Variants in SV2C observed in about 807,000 individuals in gnomAD.
SV2C encodes the protein solute carrier family 22 member B3.
SV2C carries 49 observed loss-of-function variants against 79.7 expected under a neutral mutation model. That is an observed-to-expected ratio of 0.61 (90% CI 0.49 to 0.78). The LOEUF (loss-of-function observed/expected upper bound fraction) is 0.78. Ranked by LOEUF, SV2C falls within the 30% of genes least tolerant of loss-of-function variation. The pLI, the probability that SV2C is intolerant of heterozygous loss-of-function variation, is 0.00. For synonymous variants in SV2C, 334 were observed against 333.2 expected (o/e 1.00, Z -0.03); for missense variants, 833 against 912.9 (o/e 0.91, Z 1.13).
At chr5:75,853,442 G>A in the SV2C span, among the ~76,000 whole-genome samples, 1 of 151,010 alleles carries the variant, frequency 6.6e-6, no homozygotes, top group African/African-American at 2.4e-5. Flanking sequence ...TGTAGTCCCA[G>A]CTACTCCGGA....
At position 76,285,800 on chromosome 5, in the gene SV2C, C is replaced by T; in HGVS notation, c.1067C>T (p.Ala356Val). The change falls in exon 6 of 13, where the codon GCT becomes GTT. Residue 356 changes from alanine (A) to valine (V), a missense_variant. Physicochemically the swap from Ala to Val is moderately conservative, Grantham distance 64. Transcript: ENST00000502798. The stretch of plus-strand genomic sequence containing the variant: ...TCTTAGGTTGGAAAACATGATGAAG[C>T]TTGGATGATTCTGAAGTTAATTCAT... ...FLLEVGKHDEAWMILKLIHDT... is the reference protein window; with the variant it reads ...FLLEVGKHDEVWMILKLIHDT... The T allele has an allele frequency of 6.2e-7, 1 of 1,614,006 alleles. No homozygotes were observed. The highest frequency in any genetic ancestry group is 8.5e-7 in the Non-Finnish European group (1 of 1,179,978).
the SV2C span, among the ~76,000 whole-genome samples, chr5:75,973,982 G>A: frequency 6.6e-6 from 1 of 151,924 alleles, no homozygotes; most frequent in African/African-American, 2.4e-5. Flanking sequence ...TAAAGGGATT[G>A]AGAACCATGG....
intron 1 of SV2C, among the ~76,000 whole-genome samples, chr5:76,117,930 A>T (rs1016693663): frequency 3.3e-5 from 5 of 152,232 alleles, no homozygotes; most frequent in African/African-American, 1.2e-4. Flanking sequence ...CACTGTGCAT[A>T]AGGCCATCTG....
At chr5:75,999,134 A>G in the SV2C span, among the ~76,000 whole-genome samples, 1 of 151,956 alleles carries the variant, frequency 6.6e-6, no homozygotes, top group Admixed American at 6.6e-5. Flanking sequence ...ATTCACTATC[A>G]CGAGAACAGC....
rs1262599230 is a variant in SV2C at position 76,333,495 on chromosome 5, T to C, written c.*7948T>C. 1.3e-5 allele frequency: 2 copies of C among 152,268 alleles called. No individual in the cohort carries two copies. The highest frequency in any genetic ancestry group is 6.5e-5 in the Admixed American group (1 of 15,282). The allele number at this position is 152,268 out of a possible 1,614,324, so 9.4% of individuals were successfully genotyped here. ...ATCTTGGCAATGGTCCTGTCGGTTTTGGTGTTTGGATTGTTTGGCTTTGTT... is the reference window on the plus strand; with the variant it reads ...ATCTTGGCAATGGTCCTGTCGGTTTCGGTGTTTGGATTGTTTGGCTTTGTT... On this transcript the variant is annotated 3_prime_UTR_variant, in exon 13 of 13. Coordinates refer to ENST00000502798, the MANE Select transcript of SV2C (RefSeq NM_014979.4).
chr5:75,958,207 T>G, the SV2C span, among the ~76,000 whole-genome samples: 1 of 151,978 alleles, frequency 6.6e-6, no homozygotes, highest in African/African-American at 2.4e-5. Flanking sequence ...AGAAACTAAG[T>G]GCATGACCAT....
At chr5:76,125,143 A>G (rs530151573) in intron 1 of SV2C, among the ~76,000 whole-genome samples, 42 of 152,218 alleles carry the variant, frequency 2.8e-4, no homozygotes, top group Non-Finnish European at 4.3e-4. Flanking sequence ...ACGTTAATAT[A>G]CTTAAAATTA....
At position 76,291,856 on chromosome 5, in the gene SV2C, GGTAA is replaced by G; in HGVS notation, c.1337+3_1337+6del. On this transcript the variant is annotated splice_donor_variant and splice_donor_region_variant and intron_variant, in intron 8 of 12. Coordinates refer to ENST00000502798, the MANE Select transcript of SV2C (RefSeq NM_014979.4). LOFTEE classifies it high-confidence loss of function. The stretch of plus-strand genomic sequence containing the variant: ...ATTGTTTGGTTCACCCTGTCCTTTG[GGTAA>G]GTGATATTTAAATTCTTGGCAAGCA... The G allele has an allele frequency of 1.9e-6, 3 of 1,601,848 alleles. No individual in the cohort carries two copies. Among genetic ancestry groups the G allele is most frequent in the Non-Finnish European group, 2.6e-6 (3 of 1,171,850 alleles).
chr5:76,190,474 A>G (rs928196976), intron 2 of SV2C, among the ~76,000 whole-genome samples: 4 of 152,234 alleles, frequency 2.6e-5, no homozygotes, highest in Admixed American at 2.0e-4. Flanking sequence ...CTTGCTGAAG[A>G]CAGAGCAGGG....
intron 2 of SV2C, among the ~76,000 whole-genome samples, chr5:76,190,528 A>G (rs1348002104): frequency 6.6e-6 from 1 of 152,188 alleles, no homozygotes; most frequent in Non-Finnish European, 1.5e-5. Context: ...ATTGAAGACA[A>G]CCAGCCATCT....
the SV2C span, among the ~76,000 whole-genome samples, chr5:76,063,182 C>T: frequency 6.6e-6 from 1 of 152,154 alleles, no homozygotes; most frequent in African/African-American, 2.4e-5. Context: ...CCTCCTGGGG[C>T]TGATGAATTG....
At chr5:76,175,823 C>G (rs1561250339) in intron 2 of SV2C, among the ~76,000 whole-genome samples, 1 of 151,992 alleles carries the variant, frequency 6.6e-6, no homozygotes, top group Non-Finnish European at 1.5e-5. Context: ...CGTGTGTGTC[C>G]CCGAGAGGTG....
chr5:75,880,901 G>T, the SV2C span, among the ~76,000 whole-genome samples: 2 of 152,164 alleles, frequency 1.3e-5, no homozygotes, highest in East Asian at 3.8e-4. Flanking sequence ...GTTGGCTCAT[G>T]GTTCTGCAAG....
the SV2C span, among the ~76,000 whole-genome samples, chr5:75,971,584 A>T: frequency 2.0e-5 from 3 of 152,126 alleles, no homozygotes; most frequent in Non-Finnish European, 4.4e-5. Flanking sequence ...AATTGCTTCA[A>T]AGAGAATAAC....
At position 76,230,798 on chromosome 5, in the gene SV2C, AAAAAG is replaced by A. The variant is rs538055871; in HGVS notation, c.913+20925_913+20929del. Reference sequence around the variant, plus strand: ...AGCAAGACTCTGTCTCAGAAGAAAAAAAAAGAAAAGAAAAGAAAGAAAGGCAAGAA... The same window carrying A: ...AGCAAGACTCTGTCTCAGAAGAAAAAAAAAGAAAAGAAAGAAAGGCAAGAA... On this transcript the variant is annotated intron_variant, in intron 4 of 12. Transcript: ENST00000502798. Among the ~76,000 whole-genome samples the A allele has an allele frequency of 1.2e-4, 17 of 144,386 alleles. No individual in the cohort carries two copies. The East Asian group carries it at 2.1e-3, about 18-fold the overall frequency. The allele number at this position is 144,386 out of a possible 152,430, so 94.7% of individuals were successfully genotyped here.
At chr5:75,955,096 A>G in the SV2C span, among the ~76,000 whole-genome samples, 5 of 147,902 alleles carry the variant, frequency 3.4e-5, no homozygotes, top group South Asian at 2.1e-4. Context: ...AGTCAATCCT[A>G]AGCCAAAAGA....
intron 4 of SV2C, among the ~76,000 whole-genome samples, chr5:76,272,382 G>T (rs1580008415): frequency 6.6e-6 from 1 of 152,188 alleles, no homozygotes; most frequent in Non-Finnish European, 1.5e-5. Flanking sequence ...TCTTCCTGGG[G>T]CCATGTGCAA....
chr5:76,015,591 T>C, the SV2C span, among the ~76,000 whole-genome samples: 2 of 152,140 alleles, frequency 1.3e-5, no homozygotes, highest in South Asian at 4.1e-4. Flanking sequence ...ATTTATGAAC[T>C]AATTGTTTTC....
the SV2C span, among the ~76,000 whole-genome samples, chr5:76,057,241 T>C: frequency 6.6e-6 from 1 of 152,182 alleles, no homozygotes; most frequent in Non-Finnish European, 1.5e-5. Flanking sequence ...TTTTGTTTTT[T>C]TTTATACTTT....
Sources: gnomAD v4.1 joint callset for allele counts (sites outside exome capture counted in the v4.1 genomes callset) on GRCh38, gnomAD v4.1.1 for gene constraint, MANE v1.5 for transcripts, NCBI Gene and HGNC (gene_info 2026-07-23, HGNC 2026-07-21) for gene names.